NCOA3: variants seen among roughly 807,000 people sequenced by gnomAD.
NCOA3 encodes the protein CBP-interacting protein.
A neutral mutation model predicts 158.8 loss-of-function variants in NCOA3; 51 were observed. That is an observed-to-expected ratio of 0.32 (90% CI 0.26 to 0.41). The LOEUF is 0.41. NCOA3 is among the 10% of genes least tolerant of loss of function. The probability of loss-of-function intolerance (pLI) is 1.00; values close to 1 mark genes in which losing one functional copy is unlikely to be tolerated. For missense variants in NCOA3, 1,510 were observed against 1,746.6 expected (o/e 0.86, Z 2.41); for synonymous variants, 537 against 592.4 (o/e 0.91, Z 1.36).
At chr20:47,505,892 C>T (rs1233166524) in intron 1 of NCOA3, among the ~76,000 whole-genome samples, 1 of 149,700 alleles carries the variant, frequency 6.7e-6, no homozygotes, top group Non-Finnish European at 1.5e-5. Flanking sequence ...ACCTCTGCCT[C>T]CCAGGTTCAA....
Position 47,583,250 on chromosome 20 carries a change from C to T in NCOA3, c.-31C>T. The stretch of plus-strand genomic sequence containing the variant: ...AATAAACTGCTTGAACATCCTTTGA[C>T]TGGTTAGCCAGGTAATTCAGCTTTA... On this transcript the variant is annotated 5_prime_UTR_variant, in exon 2 of 23. Transcript: ENST00000371998. 1 of 398,604 alleles carries T rather than the reference C, an allele frequency of 2.5e-6. No homozygotes were observed. The highest frequency in any genetic ancestry group is 4.4e-6 in the Non-Finnish European group (1 of 226,058). 24.7% of individuals were successfully genotyped at this position (398,604 alleles called of 1,614,324 possible). A position where few individuals can be genotyped will look rare whatever the true frequency, so the allele number is the denominator to read the frequency against.
intron 2 of NCOA3, among the ~76,000 whole-genome samples, chr20:47,620,627 A>G (rs1468533004): frequency 6.6e-6 from 1 of 151,846 alleles, no homozygotes; most frequent in Admixed American, 6.6e-5. Context: ...TATATATGCA[A>G]TTTTTCTTAA....
chr20:47,654,236 T>C lies in NCOA3; in HGVS notation c.*819T>C, dbSNP rs2086839707. 1 of 152,588 alleles carries C rather than the reference T, an allele frequency of 6.6e-6. No individual in the cohort carries two copies. Among genetic ancestry groups the C allele is most frequent in the South Asian group, 2.1e-4 (1 of 4,836 alleles). 9.5% of individuals were successfully genotyped at this position (152,588 alleles called of 1,614,324 possible). A position where few individuals can be genotyped will look rare whatever the true frequency, so the allele number is the denominator to read the frequency against. ...CTACACTTACGTGTTAGACAAGAAC[T>C]ATGATTTTTTTTTTTAAAGTACTGG... On this transcript the variant is annotated 3_prime_UTR_variant, in exon 23 of 23. Transcript: ENST00000371998.
intron 1 of NCOA3, among the ~76,000 whole-genome samples, chr20:47,564,112 TG>T (rs1851215697): frequency 6.6e-6 from 1 of 151,500 alleles, no homozygotes; most frequent in Non-Finnish European, 1.5e-5. Context: ...CAGTGAGCCA[TG>T]TACTCCATCC....
At position 47,634,184 on chromosome 20, in the gene NCOA3, C is replaced by T; in HGVS notation, c.1101C>T (p.His367=). ...ATCGACATGGCTTTGTCTCAACCCA[C>T]TTCCTTCAGAGGTAATGATAGATTA... The part of the protein sequence containing the change: ...TNDRHGFVST[H]FLQREQNGYR... The change falls in exon 10 of 23, where the codon CAC becomes CAT. Residue 367 remains histidine (H), a synonymous_variant. Coordinates refer to ENST00000371998, the MANE Select transcript of NCOA3 (RefSeq NM_181659.3). 6.2e-7 allele frequency: 1 copy of T among 1,613,856 alleles called. No homozygotes were observed. Among genetic ancestry groups the T allele is most frequent in the African/African-American group, 1.3e-5 (1 of 75,052 alleles).
intron 1 of NCOA3, among the ~76,000 whole-genome samples, chr20:47,570,123 A>G (rs2146199716): frequency 6.6e-6 from 1 of 152,280 alleles, no homozygotes; most frequent in South Asian, 2.1e-4. Context: ...ACTGGGGTAG[A>G]TGCCATCTCA....
Position 47,647,258 on chromosome 20 carries a change from C to G in NCOA3, c.3438C>G (p.Gly1146=). Residue 1146 remains glycine (G), a synonymous_variant, in exon 18 of 23, where the codon GGC becomes GGG. Transcript: ENST00000371998. ...NSMMNQMNQQ[G]NFPLQGMHPR... Reference sequence around the variant, plus strand: ...TGATGAATCAGATGAACCAGCAAGGCAATTTTCCTCTCCAAGGAATGCACC... The same window carrying G: ...TGATGAATCAGATGAACCAGCAAGGGAATTTTCCTCTCCAAGGAATGCACC... 6.2e-7 allele frequency: 1 copy of G among 1,614,168 alleles called. No homozygotes were observed. Among genetic ancestry groups the G allele is most frequent in the Admixed American group, 1.7e-5 (1 of 60,020 alleles).
intron 1 of NCOA3, among the ~76,000 whole-genome samples, chr20:47,566,037 G>A (rs140376270): frequency 2.6e-5 from 4 of 151,598 alleles, no homozygotes; most frequent in African/African-American, 9.7e-5. Flanking sequence ...GCAGTCGCAC[G>A]ATCTTGGCTC....
chr20:47,543,393 G>A (rs1007006709), intron 1 of NCOA3, among the ~76,000 whole-genome samples: 3 of 152,164 alleles, frequency 2.0e-5, no homozygotes, highest in Admixed American at 2.0e-4. Flanking sequence ...GGCTACTACA[G>A]TGAGACTACT....
At chr20:47,594,830 C>T (rs1265944307) in intron 2 of NCOA3, among the ~76,000 whole-genome samples, 3 of 120,126 alleles carry the variant, frequency 2.5e-5, no homozygotes, top group South Asian at 2.8e-4. Flanking sequence ...TTGCTGTTGC[C>T]GCCCAGTCTG....
chr20:47,655,356 A>T lies in NCOA3; in HGVS notation c.*1939A>T, dbSNP rs960938305. The stretch of plus-strand genomic sequence containing the variant: ...AGCCTTGGTATCATTTTCTAGCAAT[A>T]ACTGAGAGCCAGTTAATTTTAAGAA... On this transcript the variant is annotated 3_prime_UTR_variant, in exon 23 of 23. Transcript: ENST00000371998. 1.8e-4 allele frequency: 27 copies of T among 152,216 alleles called. No homozygotes were observed. The highest frequency in any genetic ancestry group is 6.5e-4 in the African/African-American group (27 of 41,448). The allele number at this position is 152,216 out of a possible 1,614,324, so 9.4% of individuals were successfully genotyped here. A position where few individuals can be genotyped will look rare whatever the true frequency, so the allele number is the denominator to read the frequency against.
At chr20:47,542,013 T>TTTTGTTTTTTTTTTG (rs773736730) in intron 1 of NCOA3, among the ~76,000 whole-genome samples, 1 of 109,734 alleles carries the variant, frequency 9.1e-6, no homozygotes, top group Non-Finnish European at 2.0e-5. Flanking sequence ...TGTAGAGTTT[T>TTTTGTTTTTTTTTTG]TTTTTTTTTT....
At chr20:47,649,160 C>CAA in intron 19 of NCOA3, 51 bp downstream of exon 19, 1 of 1,219,268 alleles carries the variant, frequency 8.2e-7, no homozygotes, top group Non-Finnish European at 1.2e-6. Flanking sequence ...CAGGACAGGG[C>CAA]TTGGCCTGTG....
chr20:47,594,664 C>CAA (rs377014290), intron 2 of NCOA3, among the ~76,000 whole-genome samples: 818 of 72,824 alleles, frequency 0.011, 65 homozygotes, highest in South Asian at 0.013. Context: ...GACTCTGTCT[C>CAA]AAAAAAAAAA....
In NCOA3 at chr20:47,609,255, G is replaced by T. The variant is rs58273991; in HGVS notation, c.-19-12974G>T. Among the ~76,000 whole-genome samples the T allele has an allele frequency of 7.2e-3, 1,101 of 152,228 alleles. 22 individuals carry two copies. Among genetic ancestry groups the T allele is most frequent in the African/African-American group, 0.025 (1,043 of 41,534 alleles). Reference sequence around the variant, plus strand: ...TCTACCCCAAGCACTTAGCATAGGGGATACTATTTCCTTTTTCTATGTGGA... The same window carrying T: ...TCTACCCCAAGCACTTAGCATAGGGTATACTATTTCCTTTTTCTATGTGGA... On this transcript the variant is annotated intron_variant, in intron 2 of 22. Transcript: ENST00000371998.
chr20:47,613,439 C>T (rs1602486567), intron 2 of NCOA3, among the ~76,000 whole-genome samples: 1 of 139,894 alleles, frequency 7.1e-6, no homozygotes. Flanking sequence ...TCCCTGTTTT[C>T]TGGGGCTAAA....
intron 1 of NCOA3, among the ~76,000 whole-genome samples, chr20:47,577,137 T>C (rs2085384968): frequency 6.6e-6 from 1 of 152,268 alleles, no homozygotes; most frequent in Admixed American, 6.5e-5. Context: ...TATCGTTGTA[T>C]AAGCAAAAAT....
intron 17 of NCOA3, among the ~76,000 whole-genome samples, chr20:47,645,022 A>C (rs1484407628): frequency 1.3e-5 from 2 of 151,938 alleles, no homozygotes; most frequent in East Asian, 1.9e-4. Context: ...CCACATGTAG[A>C]GTTGTTTTCA....
intron 1 of NCOA3, among the ~76,000 whole-genome samples, chr20:47,530,455 A>T (rs1295385516): frequency 2.1e-5 from 3 of 145,202 alleles, no homozygotes; most frequent in African/African-American, 7.7e-5. Flanking sequence ...ATTTTTAATG[A>T]TTTAACTTTT....
Sources: gnomAD v4.1 joint callset for allele counts (sites outside exome capture counted in the v4.1 genomes callset) on GRCh38, gnomAD v4.1.1 for gene constraint, MANE v1.5 for transcripts, NCBI Gene and HGNC (gene_info 2026-07-23, HGNC 2026-07-21) for gene names.